The following UGT1A7 variants were observed in gnomAD, a reference collection of about 807,000 sequenced individuals.
UGT1A7 encodes UDP glucuronosyltransferase family 1 member A7.
In UGT1A7, 33 loss-of-function variants were observed where a neutral mutation model predicts 45.6. The ratio of observed to expected loss-of-function variants is 0.72; its 90% CI spans 0.55 to 0.97. The LOEUF is 0.97. Ranked by LOEUF, UGT1A7 falls within the 50% of genes least tolerant of loss-of-function variation. UGT1A7 has a pLI of 0.00. For missense variants in UGT1A7, 684 were observed against 666.2 expected (o/e 1.03, Z -0.29); for synonymous variants, 274 against 250.6 (o/e 1.09, Z -0.88).
chr2:233,729,531 G>A (rs757870746), intron 1 of UGT1A7: 11 of 1,614,140 alleles, frequency 6.8e-6, no homozygotes, highest in Non-Finnish European at 9.3e-6. Context: ...TACATAATGA[G>A]GCCCTGATCA....
At position 233,772,856 on chromosome 2, in the gene UGT1A7, A is replaced by G; in HGVS notation, c.*297A>G. On this transcript the variant is annotated 3_prime_UTR_variant, in exon 5 of 5. Transcript: ENST00000373426. ...TCTAGATTACTTTTCTTACTCTGAA[A>G]CATGGCCTGTTTGGGAGTGCGGGAT... The G allele has an allele frequency of 2.7e-6, 2 of 727,580 alleles. No individual in the cohort carries two copies. The highest frequency in any genetic ancestry group is 4.2e-5 in the South Asian group (2 of 48,166). The allele number at this position is 727,580 out of a possible 1,614,324, so 45.1% of individuals were successfully genotyped here.
At chr2:233,695,426 CTT>C (rs2075288031) in intron 1 of UGT1A7, among the ~76,000 whole-genome samples, 2 of 76,626 alleles carry the variant, frequency 2.6e-5, no homozygotes, top group Non-Finnish European at 6.3e-5. Context: ...GCCCGGCCTT[CTT>C]CTTCTTCTTT....
At chr2:233,738,209 A>G (rs1479952122) in intron 1 of UGT1A7, among the ~76,000 whole-genome samples, 2 of 152,090 alleles carry the variant, frequency 1.3e-5, no homozygotes, top group Admixed American at 6.5e-5. Flanking sequence ...ACTTTCTGCC[A>G]GGATTATAAG....
At chr2:233,707,645 T>C (rs542813873) in intron 1 of UGT1A7, among the ~76,000 whole-genome samples, 94 of 152,138 alleles carry the variant, frequency 6.2e-4, no homozygotes, top group African/African-American at 2.2e-3. Flanking sequence ...ATTGTATGAA[T>C]ACACCACAAT....
At chr2:233,693,698 C>T in intron 1 of UGT1A7, 4 of 1,614,222 alleles carry the variant, frequency 2.5e-6, no homozygotes, top group Non-Finnish European at 3.4e-6. Flanking sequence ...GTATGAAGAA[C>T]TCGCATCAGC....
chr2:233,747,954 C>T (rs1693821442), intron 1 of UGT1A7: 2 of 1,613,446 alleles, frequency 1.2e-6, no homozygotes, highest in Non-Finnish European at 8.5e-7. Flanking sequence ...AGTGGTGGAT[C>T]TTCTCAGCCA....
intron 1 of UGT1A7, chr2:233,760,113 A>G: frequency 2.4e-6 from 3 of 1,233,108 alleles, no homozygotes; most frequent in Non-Finnish European, 3.3e-6. Flanking sequence ...TAAGAAACCT[A>G]ATAAAGCTCC....
chr2:233,718,076 T>C (rs2076626842), intron 1 of UGT1A7: 1 of 344,040 alleles, frequency 2.9e-6, no homozygotes, highest in Admixed American at 3.7e-5. Context: ...CTTGCTAGGG[T>C]TGTCTTGCCC....
At chr2:233,713,239 C>T (rs2076295838) in intron 1 of UGT1A7, 2 of 1,614,144 alleles carry the variant, frequency 1.2e-6, no homozygotes, top group Admixed American at 1.7e-5. Context: ...TATGCCATTT[C>T]ATGGACCCAG....
chr2:233,763,551 G>A (rs946650773), intron 1 of UGT1A7, among the ~76,000 whole-genome samples: 3 of 152,122 alleles, frequency 2.0e-5, no homozygotes, highest in African/African-American at 7.2e-5. Context: ...CTACTGGTTG[G>A]TCAAGTTACT....
intron 1 of UGT1A7, chr2:233,689,768 C>T (rs950157324): frequency 9.8e-6 from 3 of 307,510 alleles, no homozygotes; most frequent in Non-Finnish European, 1.9e-5. Context: ...AAAAACAACT[C>T]GGGGACATAT....
At position 233,688,334 on chromosome 2, in the gene UGT1A7, C is replaced by T. The variant is rs1408140976; in HGVS notation, c.855+5542C>T. Among the ~76,000 whole-genome samples, 4 of 152,262 alleles carry T rather than the reference C, an allele frequency of 2.6e-5. No individual in the cohort carries two copies. The East Asian group carries it at 5.8e-4, about 22-fold the overall frequency. On this transcript the variant is annotated intron_variant, in intron 1 of 4. Coordinates refer to ENST00000373426, the MANE Select transcript of UGT1A7 (RefSeq NM_019077.3). ...CAGTTGGTGGACATTTGGGTTGTTT[C>T]CCATTTTCAGCCATGAAAAATAATG...
In UGT1A7 at chr2:233,693,777, A is replaced by G. The variant is rs112793692; in HGVS notation, c.855+10985A>G. 1.7e-5 allele frequency: 27 copies of G among 1,614,218 alleles called. No homozygotes were observed. In the African/African-American group the frequency reaches 1.7e-4, roughly 10 times the overall value. On this transcript the variant is annotated intron_variant, in intron 1 of 4. Coordinates refer to ENST00000373426, the MANE Select transcript of UGT1A7 (RefSeq NM_019077.3). ...GTCTCTGTTTGGCTGTTAAGATATG[A>G]CTTTGTGCTTGAATATCCTAGGCCG...
At chr2:233,717,067 A>C (rs1289809173) in intron 1 of UGT1A7, among the ~76,000 whole-genome samples, 2 of 152,174 alleles carry the variant, frequency 1.3e-5, no homozygotes, top group Non-Finnish European at 2.9e-5. Flanking sequence ...GGAGTGCCAG[A>C]CACGTAACCA....
intron 1 of UGT1A7, chr2:233,689,938 A>C (rs1272581952): frequency 2.2e-6 from 1 of 456,646 alleles, no homozygotes; most frequent in Non-Finnish European, 4.4e-6. Context: ...AAAGAACCCA[A>C]GATTTTCCTT....
intron 1 of UGT1A7, chr2:233,689,803 A>G (rs1559343828): frequency 3.4e-5 from 15 of 438,062 alleles, no homozygotes; most frequent in Non-Finnish European, 5.4e-5. Flanking sequence ...TGTAGTTTCT[A>G]TAGGAAACCA....
chr2:233,743,880 G>C (rs754311427), intron 1 of UGT1A7: 1 of 1,366,528 alleles, frequency 7.3e-7, no homozygotes, highest in South Asian at 1.1e-5. Flanking sequence ...GATGAGGCCT[G>C]CCGGGGCACG....
intron 1 of UGT1A7, among the ~76,000 whole-genome samples, chr2:233,687,369 G>A (rs1416156591): frequency 6.6e-6 from 1 of 152,032 alleles, no homozygotes; most frequent in African/African-American, 2.4e-5. Context: ...TGTCTCCTTA[G>A]GGAGAATTTG....
rs565810764 is a variant in UGT1A7 at position 233,741,358 on chromosome 2, A to G, written c.856-25676A>G. ...GTAGTGATTTCCAACACACAAAACC[A>G]CAATGAAACTGCCCATGCCTTTCTA... On this transcript the variant is annotated intron_variant, in intron 1 of 4. Coordinates refer to ENST00000373426, the MANE Select transcript of UGT1A7 (RefSeq NM_019077.3). Among the ~76,000 whole-genome samples the G allele has an allele frequency of 2.0e-5, 3 of 151,842 alleles. No individual in the cohort carries two copies. In the East Asian group the frequency reaches 5.8e-4, roughly 29 times the overall value.
Sources: allele counts gnomAD v4.1 joint callset (sites outside exome capture counted in the v4.1 genomes callset), GRCh38; gene constraint gnomAD v4.1.1; transcripts MANE v1.5; gene names NCBI Gene and HGNC (gene_info 2026-07-23, HGNC 2026-07-21).